PLCL2: variants seen among roughly 807,000 people sequenced by gnomAD.
PLCL2 encodes phospholipase C like 2.
PLCL2 carries 4 observed loss-of-function variants against 79.6 expected under a neutral mutation model. The observed-to-expected ratio is 0.05, with a 90% CI of 0.02 to 0.11. The LOEUF is 0.11. Ranked by LOEUF, PLCL2 falls within the 10% of genes least tolerant of loss-of-function variation. The probability of loss-of-function intolerance (pLI) is 1.00; values close to 1 mark genes in which losing one functional copy is unlikely to be tolerated. For synonymous variants in PLCL2, 484 were observed against 457.7 expected (o/e 1.06, Z -0.73); for missense variants, 895 against 1,291.0 (o/e 0.69, Z 4.70).
intron 1 of PLCL2, among the ~76,000 whole-genome samples, chr3:16,980,672 G>T (rs568182568): frequency 2.6e-5 from 4 of 151,784 alleles, no homozygotes; most frequent in African/African-American, 9.7e-5. Context: ...AGGCAGAGGG[G>T]ATCCTCACAT....
At chr3:17,074,086 C>G (rs1225128931) in intron 5 of PLCL2, among the ~76,000 whole-genome samples, 4 of 152,166 alleles carry the variant, frequency 2.6e-5, no homozygotes, top group Non-Finnish European at 5.9e-5. Context: ...TACTTTACCC[C>G]GATTCATCAG....
intron 4 of PLCL2, among the ~76,000 whole-genome samples, chr3:17,066,767 A>T (rs1193436012): frequency 2.6e-5 from 4 of 152,202 alleles, no homozygotes; most frequent in African/African-American, 9.7e-5. Flanking sequence ...TGTGAGAAAA[A>T]GAAAGAAAAC....
In PLCL2 at chr3:16,899,753, T is replaced by G. The variant is rs528319348; in HGVS notation, c.327+14387T>G. 2.0e-5 allele frequency among the ~76,000 whole-genome samples: 3 copies of G among 152,234 alleles called. No individual in the cohort carries two copies. The East Asian group carries it at 5.8e-4, about 29-fold the overall frequency. On this transcript the variant is annotated intron_variant, in intron 1 of 5. Transcript: ENST00000615277. ...AATGATTCAGTTTTTGCTATTTTGC[T>G]GTTGATTTGATTATTTATGTGAGAA... is the stretch of plus-strand genomic sequence containing the variant.
chr3:16,968,246 A>C (rs965939750), intron 1 of PLCL2, among the ~76,000 whole-genome samples: 1 of 152,066 alleles, frequency 6.6e-6, no homozygotes, highest in Non-Finnish European at 1.5e-5. Context: ...CACCTTGGCT[A>C]TTCAGGATCT....
At chr3:16,910,550 T>C (rs1696854692) in intron 1 of PLCL2, among the ~76,000 whole-genome samples, 1 of 152,144 alleles carries the variant, frequency 6.6e-6, no homozygotes, top group African/African-American at 2.4e-5. Flanking sequence ...GCTTGCAGCA[T>C]TGGAGTGATC....
In PLCL2 at chr3:16,927,504, G is replaced by A. The variant is rs148362665; in HGVS notation, c.327+42138G>A. 8.2e-3 allele frequency among the ~76,000 whole-genome samples: 1,241 copies of A among 152,188 alleles called. 15 individuals are homozygous for A. The highest frequency in any genetic ancestry group is 0.012 in the Non-Finnish European group (831 of 68,004). ...TGAGATGTCCCATTATCTGTATCTG[G>A]GGCATGAACAAGTTTTTATGGCTTG... On this transcript the variant is annotated intron_variant, in intron 1 of 5. Transcript: ENST00000615277.
At chr3:16,926,224 G>T (rs1697246467) in intron 1 of PLCL2, among the ~76,000 whole-genome samples, 1 of 152,058 alleles carries the variant, frequency 6.6e-6, no homozygotes, top group East Asian at 1.9e-4. Context: ...GCTTTAAGTT[G>T]CTCTCAAACA....
chr3:17,027,510 T>G (rs1411937896), intron 3 of PLCL2, among the ~76,000 whole-genome samples: 2 of 152,186 alleles, frequency 1.3e-5, no homozygotes, highest in African/African-American at 4.8e-5. Context: ...TCTGGCTCTG[T>G]ACAGAACAAA....
chr3:17,089,641 A>G (rs2065253894), intron 5 of PLCL2, 92 bp from the exon 6 acceptor site: 2 of 768,896 alleles, frequency 2.6e-6, no homozygotes, highest in South Asian at 3.9e-5. Context: ...TGGAATCAGA[A>G]TACTTCTATT....
chr3:17,043,079 G>T (rs111556990), intron 4 of PLCL2, 130 bp downstream of exon 4: 1 of 643,594 alleles, frequency 1.6e-6, no homozygotes. Context: ...TATGGCTAAA[G>T]AAAATACCAA....
intron 1 of PLCL2, among the ~76,000 whole-genome samples, chr3:16,900,728 T>C (rs1200566263): frequency 6.6e-6 from 1 of 152,192 alleles, no homozygotes; most frequent in Non-Finnish European, 1.5e-5. Context: ...GTGGACATCA[T>C]CAGTGGCCTC....
chr3:16,918,796 T>C (rs1474859567), intron 1 of PLCL2, among the ~76,000 whole-genome samples: 1 of 152,210 alleles, frequency 6.6e-6, no homozygotes, highest in African/African-American at 2.4e-5. Flanking sequence ...TTTGATTTTG[T>C]TGCTCTTTGT....
At chr3:17,063,059 T>G (rs2064967929) in intron 4 of PLCL2, among the ~76,000 whole-genome samples, 1 of 151,790 alleles carries the variant, frequency 6.6e-6, no homozygotes, top group Non-Finnish European at 1.5e-5. Flanking sequence ...TTGGCTTAAA[T>G]CCACAATTTA....
Position 16,920,742 on chromosome 3 carries a change from A to G in PLCL2, c.327+35376A>G, listed in dbSNP as rs959630420. ...AACCATAGGCCACTCAGTTCCTCAAATACTGTGAATAAATAGGATTTTATT... is the reference window on the plus strand; with the variant it reads ...AACCATAGGCCACTCAGTTCCTCAAGTACTGTGAATAAATAGGATTTTATT... On this transcript the variant is annotated intron_variant, in intron 1 of 5. Coordinates refer to ENST00000615277, the MANE Select transcript of PLCL2 (RefSeq NM_001144382.2). Among the ~76,000 whole-genome samples, 9 of 152,314 alleles carry G rather than the reference A, an allele frequency of 5.9e-5. No individual in the cohort carries two copies. In the South Asian group the frequency reaches 6.2e-4, roughly 11 times the overall value.
intron 1 of PLCL2, among the ~76,000 whole-genome samples, chr3:17,003,043 A>C (rs1026366943): frequency 4.6e-5 from 7 of 152,014 alleles, no homozygotes; most frequent in African/African-American, 1.7e-4. Flanking sequence ...TATTAATCAT[A>C]GTTGTTTTAA....
chr3:17,023,702 T>C (rs58141136), intron 3 of PLCL2, among the ~76,000 whole-genome samples: 4,387 of 152,256 alleles, frequency 0.029, 235 homozygotes, highest in African/African-American at 0.1. Flanking sequence ...CTCGATATGT[T>C]GAAATAATTT....
In PLCL2 at chr3:17,081,681, C is replaced by G. The variant is rs114975392; in HGVS notation, c.3205-8052C>G. The G allele has an allele frequency of 9.8e-3, 1,524 of 155,518 alleles. 29 individuals carry two copies. Among genetic ancestry groups the G allele is most frequent in the African/African-American group, 0.034 (1,407 of 41,574 alleles). The allele number at this position is 155,518 out of a possible 1,614,324, so 9.6% of individuals were successfully genotyped here. A position where few individuals can be genotyped will look rare whatever the true frequency, so the allele number is the denominator to read the frequency against. ...GGTTGAGCACAGCTGGGGTGCGGTTCTGGCATTTGGAGCTGCCATCATTCT... is the reference window on the plus strand; with the variant it reads ...GGTTGAGCACAGCTGGGGTGCGGTTGTGGCATTTGGAGCTGCCATCATTCT... On this transcript the variant is annotated intron_variant, in intron 5 of 5. Transcript: ENST00000615277.
At chr3:17,059,250 G>T (rs376124916) in intron 4 of PLCL2, among the ~76,000 whole-genome samples, 1 of 151,782 alleles carries the variant, frequency 6.6e-6, no homozygotes, top group African/African-American at 2.4e-5. Context: ...GTGACAGCAC[G>T]TGCCTGTAGT....
intron 1 of PLCL2, among the ~76,000 whole-genome samples, chr3:16,945,301 TG>T (rs759822876): frequency 1.8e-4 from 27 of 152,254 alleles, no homozygotes; most frequent in Admixed American, 5.9e-4. Context: ...CTTCTCTTTC[TG>T]GCTTTTCTCC....
Sources: allele counts gnomAD v4.1 joint callset (sites outside exome capture counted in the v4.1 genomes callset), GRCh38; gene constraint gnomAD v4.1.1; transcripts MANE v1.5; gene names NCBI Gene and HGNC (gene_info 2026-07-23, HGNC 2026-07-21).